The following ZC3H12B variants were observed in gnomAD, a reference collection of about 807,000 sequenced individuals.
ZC3H12B encodes probable ribonuclease ZC3H12B.
In ZC3H12B, 7 loss-of-function variants were observed where a neutral mutation model predicts 43.9. The ratio of observed to expected loss-of-function variants is 0.16; its 90% confidence interval spans 0.09 to 0.30. ZC3H12B has a LOEUF of 0.30. ZC3H12B is among the 10% of genes least tolerant of loss of function. The probability of loss-of-function intolerance (pLI) is 1.00; values close to 1 mark genes in which losing one functional copy is unlikely to be tolerated. For synonymous variants in ZC3H12B, 222 were observed against 241.7 expected, an observed-to-expected ratio of 0.92 and a Z score of 0.76; for missense variants, 475 against 670.2, an observed-to-expected ratio of 0.71 and a Z score of 3.22.
chrX:65,041,065 A>G, the ZC3H12B span, among the ~76,000 whole-genome samples: 1 of 112,832 alleles, frequency 8.9e-6, no homozygotes, highest in African/African-American at 3.2e-5. Flanking sequence ...GGCGTGAGCC[A>G]TCGTGCCCAG....
At chrX:65,484,156 C>T (rs2068096681), upstream of ZC3H12B, among the ~76,000 whole-genome samples, 1 of 110,983 alleles carries the variant, frequency 9.0e-6, no homozygotes, top group African/African-American at 3.3e-5. Flanking sequence ...GTCTTTAGGT[C>T]TTTGAGGACA....
At chrX:65,087,743 CATT>C in the ZC3H12B span, among the ~76,000 whole-genome samples, 3 of 111,621 alleles carry the variant, frequency 2.7e-5, no homozygotes, top group Middle Eastern at 4.6e-3. Context: ...AGGTGAAGGT[CATT>C]AAAGGAACTG....
chrX:65,461,407 G>T (rs1027159229), intron 3 of ZC3H12B, among the ~76,000 whole-genome samples: 1 of 112,259 alleles, frequency 8.9e-6, no homozygotes, highest in Admixed American at 9.4e-5. Context: ...GCACACGTAT[G>T]TTTATTGTGG....
At chrX:65,374,325 G>A (rs1325062214) in intron 2 of ZC3H12B, among the ~76,000 whole-genome samples, 1 of 95,972 alleles carries the variant, frequency 1.0e-5, no homozygotes, top group African/African-American at 3.9e-5. Context: ...TGGGTGCTAT[G>A]CTCACTACCT....
chrX:65,185,746 T>G, the ZC3H12B span: 2 of 111,296 alleles, frequency 1.8e-5, no homozygotes, highest in South Asian at 7.5e-4. Context: ...AAAGTAAAAT[T>G]ATATAAATAA....
At chrX:65,180,968 A>C in the ZC3H12B span, among the ~76,000 whole-genome samples, 1 of 111,371 alleles carries the variant, frequency 9.0e-6, no homozygotes, top group African/African-American at 3.3e-5. Flanking sequence ...TAAAAGAACA[A>C]AACTGGAGGC....
the ZC3H12B span, among the ~76,000 whole-genome samples, chrX:65,351,502 A>AAAGAAACT: frequency 2.7e-5 from 3 of 112,583 alleles, no homozygotes; most frequent in Non-Finnish European, 5.6e-5. Context: ...CTGCACAGCA[A>AAAGAAACT]AAGAAACTAT....
chrX:65,299,699 T>A, the ZC3H12B span, among the ~76,000 whole-genome samples: 1 of 111,972 alleles, frequency 8.9e-6, no homozygotes, highest in Admixed American at 9.5e-5. Context: ...GACAGAGCAG[T>A]GTGTGGAGGC....
At chrX:65,046,748 C>T in the ZC3H12B span, among the ~76,000 whole-genome samples, 1 of 111,563 alleles carries the variant, frequency 9.0e-6, no homozygotes, top group South Asian at 3.8e-4. Context: ...TTTTGATATG[C>T]CTTCTTCACT....
At chrX:65,379,090 C>A (rs961188582) in intron 2 of ZC3H12B, among the ~76,000 whole-genome samples, 16 of 112,145 alleles carry the variant, frequency 1.4e-4, no homozygotes, top group Admixed American at 6.6e-4. Flanking sequence ...GAAGCTCGAA[C>A]TGGGTGGAGC....
At chrX:65,476,379 T>C (rs1394394492) in intron 3 of ZC3H12B, among the ~76,000 whole-genome samples, 1 of 112,182 alleles carries the variant, frequency 8.9e-6, no homozygotes, top group Non-Finnish European at 1.9e-5. Flanking sequence ...TCAATTTTGT[T>C]GTTGAAGTTC....
In ZC3H12B at chrX:65,496,984, G is replaced by C. The variant is rs182705396; in HGVS notation, c.609-148G>C. ...AAAAAAGAAAAAAAAGAAAAGAAAA[G>C]AAGCAAAAGGAAGAAAGAAAGAGAG... On this transcript the variant is annotated intron_variant, in intron 1 of 4. Coordinates refer to ENST00000338957, the Ensembl canonical transcript of ZC3H12B. 152 of 364,640 alleles carry C rather than the reference G, an allele frequency of 4.2e-4. 1 individual carries two copies. Among genetic ancestry groups the C allele is most frequent in the African/African-American group, 4.1e-3 (145 of 35,582 alleles). The allele number at this position is 364,640 out of a possible 1,213,427, so 30.1% of individuals were successfully genotyped here. A position where few individuals can be genotyped will look rare whatever the true frequency, so the allele number is the denominator to read the frequency against.
At chrX:65,144,773 G>T in the ZC3H12B span, among the ~76,000 whole-genome samples, 3 of 111,210 alleles carry the variant, frequency 2.7e-5, no homozygotes, top group Admixed American at 1.9e-4. Context: ...CCATGTATTT[G>T]TATGGTTTTG....
At chrX:65,387,576 G>GC (rs1254599007) in intron 2 of ZC3H12B, among the ~76,000 whole-genome samples, 1 of 111,963 alleles carries the variant, frequency 8.9e-6, no homozygotes, top group East Asian at 2.8e-4. Flanking sequence ...CACACTGACT[G>GC]GTCTTGACTC....
chrX:65,168,229 A>C, the ZC3H12B span, among the ~76,000 whole-genome samples: 154 of 112,120 alleles, frequency 1.4e-3, no homozygotes, highest in African/African-American at 4.8e-3. Flanking sequence ...AAATTTATTG[A>C]GAGTTCATAG....
chrX:65,195,394 G>T, the ZC3H12B span, among the ~76,000 whole-genome samples: 3 of 111,523 alleles, frequency 2.7e-5, no homozygotes, highest in Admixed American at 2.9e-4. Flanking sequence ...ATTTTAAATT[G>T]ATGACAAATT....
the ZC3H12B span, among the ~76,000 whole-genome samples, chrX:65,341,183 A>G: frequency 8.9e-6 from 1 of 112,291 alleles, no homozygotes; most frequent in Non-Finnish European, 1.9e-5. Context: ...AGGAACAAAT[A>G]AAACCTCTGA....
At chrX:65,267,665 C>T in the ZC3H12B span, among the ~76,000 whole-genome samples, 107 of 111,362 alleles carry the variant, frequency 9.6e-4, no homozygotes, top group African/African-American at 2.5e-3. Context: ...GAATATCTCT[C>T]CTGTACAACC....
chrX:65,365,312 G>A (rs1371860052), upstream of ZC3H12B, among the ~76,000 whole-genome samples: 2 of 110,936 alleles, frequency 1.8e-5, no homozygotes, highest in Admixed American at 9.6e-5. Flanking sequence ...GGATGTCCTG[G>A]GTCCTCCTAA....
Sources: allele counts gnomAD v4.1 joint callset (sites outside exome capture counted in the v4.1 genomes callset), GRCh38; gene constraint gnomAD v4.1.1; transcripts MANE v1.5; gene names NCBI Gene and HGNC (gene_info 2026-07-23, HGNC 2026-07-21).